Variants in BNC2 observed in about 807,000 individuals in gnomAD.
BNC2 encodes the protein zinc finger protein basonuclin-2.
In BNC2, 20 loss-of-function variants were observed where a neutral mutation model predicts 76.3. That is an observed-to-expected ratio of 0.26 (90% CI 0.18 to 0.38). BNC2 has a LOEUF of 0.38. BNC2 is among the 10% of genes least tolerant of loss of function. The probability of loss-of-function intolerance (pLI) is 1.00; values close to 1 mark genes in which losing one functional copy is unlikely to be tolerated. For missense variants in BNC2, 1,382 were observed against 1,399.8 expected (o/e 0.99, Z 0.20); for synonymous variants, 582 against 514.8 (o/e 1.13, Z -1.77).
rs1445842626 is a variant in BNC2, at chr9:16,710,812, T to C, written c.330+16985A>G. ...TTTGTGACTTGTCAGTGACATATAA[T>C]ACCCAGGTCCTTCATGCAATCAACT... On this transcript the variant is annotated intron_variant, in intron 3 of 6. Coordinates refer to ENST00000380672, the MANE Select transcript of BNC2 (RefSeq NM_017637.6). Among the ~76,000 whole-genome samples the C allele has an allele frequency of 3.9e-5, 6 of 152,042 alleles. No individual in the cohort carries two copies. In the East Asian group the frequency reaches 5.8e-4, roughly 15 times the overall value.
intron 3 of BNC2, among the ~76,000 whole-genome samples, chr9:16,676,086 T>G (rs1822631986): frequency 1.3e-5 from 2 of 152,148 alleles, no homozygotes; most frequent in Admixed American, 6.5e-5. Flanking sequence ...CAATTCCAGC[T>G]TTTAATTTCG....
At chr9:16,679,579 G>A (rs528493257) in intron 3 of BNC2, among the ~76,000 whole-genome samples, 2 of 152,234 alleles carry the variant, frequency 1.3e-5, no homozygotes, top group Admixed American at 6.5e-5. Flanking sequence ...TCAGCTTCCT[G>A]TGCAGCGCTG....
At chr9:16,485,673 A>G (rs1822149264) in intron 5 of BNC2, among the ~76,000 whole-genome samples, 1 of 152,170 alleles carries the variant, frequency 6.6e-6, no homozygotes, top group Non-Finnish European at 1.5e-5. Flanking sequence ...ATTTTTAAAA[A>G]CAGAGAAGCG....
At chr9:16,867,268 C>T (rs1418906633) in intron 1 of BNC2, 2 of 152,000 alleles carry the variant, frequency 1.3e-5, no homozygotes, top group Non-Finnish European at 2.9e-5. Context: ...TTATATAAAA[C>T]AAAGATGCTA....
intron 1 of BNC2, among the ~76,000 whole-genome samples, chr9:16,789,878 T>C (rs1011327007): frequency 6.6e-6 from 1 of 152,230 alleles, no homozygotes; most frequent in Non-Finnish European, 1.5e-5. Flanking sequence ...GTTTGGCCTG[T>C]CCACTTTGTT....
At chr9:16,845,768 C>A (rs966858206) in intron 1 of BNC2, among the ~76,000 whole-genome samples, 2 of 152,028 alleles carry the variant, frequency 1.3e-5, no homozygotes, top group African/African-American at 4.8e-5. Flanking sequence ...GAATCCAAAC[C>A]CCACGTTCCA....
chr9:16,812,501 C>A (rs1818077605), intron 1 of BNC2, among the ~76,000 whole-genome samples: 1 of 152,224 alleles, frequency 6.6e-6, no homozygotes, highest in Admixed American at 6.5e-5. Flanking sequence ...CCTCACCTGC[C>A]TGCAGTTTGT....
chr9:16,741,525 G>C lies in BNC2; in HGVS notation c.4-3040C>G, dbSNP rs554421516. 2.6e-5 allele frequency among the ~76,000 whole-genome samples: 4 copies of C among 152,208 alleles called. No homozygotes were observed. The East Asian group carries it at 7.7e-4, about 29-fold the overall frequency. ...AATGGCAAATAGTAGAACTCAGCCT[G>C]GTTCCCACAAAAGCGTGAGAAATAA... On this transcript the variant is annotated intron_variant, in intron 1 of 6. Transcript: ENST00000380672.
At chr9:16,536,245 C>G (rs964142193) in intron 5 of BNC2, among the ~76,000 whole-genome samples, 5 of 151,610 alleles carry the variant, frequency 3.3e-5, no homozygotes, top group African/African-American at 1.2e-4. Context: ...ATACCTCATC[C>G]AAATCTTTTA....
At chr9:16,481,582 AGTC>A (rs1822058257) in intron 5 of BNC2, among the ~76,000 whole-genome samples, 1 of 152,224 alleles carries the variant, frequency 6.6e-6, no homozygotes, top group Non-Finnish European at 1.5e-5. Flanking sequence ...TCATTCTTGA[AGTC>A]AGTGAGACCA....
intron 1 of BNC2, among the ~76,000 whole-genome samples, chr9:16,863,889 T>C (rs964742127): frequency 2.0e-5 from 3 of 152,106 alleles, no homozygotes; most frequent in Non-Finnish European, 4.4e-5. Context: ...AAATATTTTA[T>C]TTACCCTCAG....
chr9:16,562,846 A>G (rs1183558435), intron 4 of BNC2, among the ~76,000 whole-genome samples: 1 of 152,216 alleles, frequency 6.6e-6, no homozygotes, highest in Non-Finnish European at 1.5e-5. Flanking sequence ...CTCATTTCAT[A>G]AATAAGTTAT....
intron 1 of BNC2, among the ~76,000 whole-genome samples, chr9:16,741,681 G>C (rs1354021767): frequency 6.6e-6 from 1 of 152,060 alleles, no homozygotes; most frequent in South Asian, 2.1e-4. Flanking sequence ...CACCATGACA[G>C]GTGCGGTGGC....
intron 3 of BNC2, among the ~76,000 whole-genome samples, chr9:16,725,229 A>T (rs1036271507): frequency 2.0e-5 from 3 of 151,928 alleles, no homozygotes; most frequent in Non-Finnish European, 4.4e-5. Context: ...ACACACACAC[A>T]CACACACACA....
chr9:16,836,031 C>G (rs1284427134), intron 1 of BNC2, among the ~76,000 whole-genome samples: 2 of 152,150 alleles, frequency 1.3e-5, no homozygotes, highest in African/African-American at 2.4e-5. Context: ...TAATTATTTT[C>G]ATCTGGTTAT....
intron 5 of BNC2, among the ~76,000 whole-genome samples, chr9:16,449,005 A>G (rs977146425): frequency 1.3e-5 from 2 of 152,218 alleles, no homozygotes; most frequent in Non-Finnish European, 2.9e-5. Flanking sequence ...GCCACAAAAG[A>G]GAGGTGTTTG....
chr9:16,584,199 G>C (rs1819706996), intron 3 of BNC2, among the ~76,000 whole-genome samples: 1 of 152,112 alleles, frequency 6.6e-6, no homozygotes, highest in Non-Finnish European at 1.5e-5. Context: ...TGGGGTGGAG[G>C]GGTGGGCATG....
chr9:16,676,111 T>C (rs886794740), intron 3 of BNC2, among the ~76,000 whole-genome samples: 2 of 152,136 alleles, frequency 1.3e-5, no homozygotes, highest in East Asian at 3.9e-4. Flanking sequence ...CATGAAAAAA[T>C]ACTGATCCTA....
At chr9:16,832,939 T>G (rs992410128) in intron 1 of BNC2, among the ~76,000 whole-genome samples, 2 of 152,064 alleles carry the variant, frequency 1.3e-5, no homozygotes, top group African/African-American at 2.4e-5. Context: ...TTGGCCAGGA[T>G]AGTCTCAATC....
Sources: allele counts gnomAD v4.1 joint callset (sites outside exome capture counted in the v4.1 genomes callset), GRCh38; gene constraint gnomAD v4.1.1; transcripts MANE v1.5; gene names NCBI Gene and HGNC (gene_info 2026-07-23, HGNC 2026-07-21).